OR1J2: variants seen among roughly 807,000 people sequenced by gnomAD.
OR1J2 encodes the protein olfactory receptor 1J2.
For missense variants in OR1J2, 304 were observed against 246.1 expected (o/e 1.24, Z -1.57); for synonymous variants, 142 against 99.7 (o/e 1.42, Z -2.52).
At chr9:122,544,382 A>G in the OR1J2 span, among the ~76,000 whole-genome samples, 1 of 147,878 alleles carries the variant, frequency 6.8e-6, no homozygotes, top group East Asian at 2.0e-4. Context: ...CAAATTTGTT[A>G]GTAAACATAT....
chr9:122,477,197 G>A, the OR1J2 span: 1 of 1,614,160 alleles, frequency 6.2e-7, no homozygotes, highest in Non-Finnish European at 8.5e-7. Context: ...ACTGAGAGGT[G>A]GGATCCACAA....
the OR1J2 span, among the ~76,000 whole-genome samples, chr9:122,460,128 T>G: frequency 6.6e-6 from 1 of 152,136 alleles, no homozygotes; most frequent in South Asian, 2.1e-4. Flanking sequence ...ATTATTTCAT[T>G]CCTTTTTATG....
chr9:122,485,247 T>G, the OR1J2 span, among the ~76,000 whole-genome samples: 1 of 152,174 alleles, frequency 6.6e-6, no homozygotes, highest in East Asian at 1.9e-4. Flanking sequence ...TAATATTGAA[T>G]TAGAATTTCA....
At chr9:122,478,628 T>C in the OR1J2 span, among the ~76,000 whole-genome samples, 6,751 of 152,268 alleles carry the variant, frequency 0.044, 150 homozygotes, top group Middle Eastern at 0.095. Context: ...CATACCCACA[T>C]ATTTTATCAT....
At chr9:122,477,049 C>T in the OR1J2 span, 2 of 1,614,088 alleles carry the variant, frequency 1.2e-6, no homozygotes, top group East Asian at 2.2e-5. Context: ...GTCTTTATTT[C>T]TCAGACTGTA....
the OR1J2 span, chr9:122,519,139 G>C: frequency 2.5e-6 from 4 of 1,584,688 alleles, no homozygotes; most frequent in South Asian, 4.5e-5. Context: ...AAGACTGTCA[G>C]CATGAAGAGG....
the OR1J2 span, chr9:122,477,644 TG>T: frequency 2.8e-5 from 45 of 1,614,210 alleles, no homozygotes; most frequent in South Asian, 4.7e-4. Flanking sequence ...ATGCATCCCT[TG>T]TAAAAGACGG....
the OR1J2 span, among the ~76,000 whole-genome samples, chr9:122,517,491 T>C: frequency 6.6e-6 from 1 of 152,236 alleles, no homozygotes; most frequent in Non-Finnish European, 1.5e-5. Flanking sequence ...AAGCCTATCC[T>C]TAACCTGTAC....
the OR1J2 span, chr9:122,554,188 A>C: frequency 6.4e-7 from 1 of 1,556,190 alleles, no homozygotes; most frequent in South Asian, 1.2e-5. Context: ...GTGATGTCTA[A>C]TCTTGATCAA....
At chr9:122,452,987 C>G in the OR1J2 span, among the ~76,000 whole-genome samples, 2 of 147,866 alleles carry the variant, frequency 1.4e-5, no homozygotes, top group South Asian at 4.3e-4. Flanking sequence ...GAGATCACGC[C>G]ATTGCACTCC....
chr9:122,526,554 C>A, the OR1J2 span: 2 of 1,612,356 alleles, frequency 1.2e-6, no homozygotes, highest in Middle Eastern at 1.7e-4. Context: ...ATAGAACACA[C>A]AAACAACGCA....
chr9:122,502,019 C>T, the OR1J2 span, among the ~76,000 whole-genome samples: 9 of 152,138 alleles, frequency 5.9e-5, no homozygotes, highest in African/African-American at 1.7e-4. Flanking sequence ...TGTTTGTAAC[C>T]GAGGACTGAT....
At chr9:122,463,620 C>T in the OR1J2 span, among the ~76,000 whole-genome samples, 1 of 152,148 alleles carries the variant, frequency 6.6e-6, no homozygotes, top group Non-Finnish European at 1.5e-5. Flanking sequence ...CAGGGTTGCT[C>T]CCTTGATGTG....
At chr9:122,520,156 C>G in the OR1J2 span, 15 of 1,096,982 alleles carry the variant, frequency 1.4e-5, no homozygotes, top group Admixed American at 2.3e-5. Flanking sequence ...CTGATCCCAG[C>G]AAGGGATAAG....
chr9:122,519,623 C>T, the OR1J2 span: 1 of 1,614,188 alleles, frequency 6.2e-7, no homozygotes, highest in South Asian at 1.1e-5. Context: ...CTCACACTCT[C>T]CTCCTGGCCC....
the OR1J2 span, among the ~76,000 whole-genome samples, chr9:122,574,350 AT>A: frequency 6.6e-6 from 1 of 152,130 alleles, no homozygotes; most frequent in South Asian, 2.1e-4. Flanking sequence ...TGGAATTACT[AT>A]TTAGTTCTTT....
At chr9:122,503,368 T>G in the OR1J2 span, among the ~76,000 whole-genome samples, 394 of 152,330 alleles carry the variant, frequency 2.6e-3, 1 homozygote, top group Non-Finnish European at 3.9e-3. Flanking sequence ...GGGCTCAGCA[T>G]TTGTCTGAGC....
the OR1J2 span, among the ~76,000 whole-genome samples, chr9:122,528,003 C>T: frequency 6.6e-6 from 1 of 152,136 alleles, no homozygotes; most frequent in Non-Finnish European, 1.5e-5. Flanking sequence ...TGTACAAGGA[C>T]CCAGAGCTCA....
At chr9:122,493,240 C>T in the OR1J2 span, among the ~76,000 whole-genome samples, 1 of 151,992 alleles carries the variant, frequency 6.6e-6, no homozygotes. Flanking sequence ...AAGGATTCCC[C>T]CTTTCTCTAT....
Sources: allele counts gnomAD v4.1 joint callset (sites outside exome capture counted in the v4.1 genomes callset), GRCh38; gene constraint gnomAD v4.1.1; transcripts MANE v1.5; gene names NCBI Gene and HGNC (gene_info 2026-07-23, HGNC 2026-07-21).